Variants in BNIP2 observed in about 807,000 individuals in gnomAD.
BNIP2 encodes BCL2 interacting protein 2.
A neutral mutation model predicts 43.4 loss-of-function variants in BNIP2; 36 were observed. The ratio of observed to expected loss-of-function variants is 0.83; its 90% CI spans 0.64 to 1.10. The LOEUF (loss-of-function observed/expected upper bound fraction) is 1.10. Ranked by LOEUF, BNIP2 falls within the 50% of genes least tolerant of loss-of-function variation. The pLI is 0.00. For synonymous variants in BNIP2, 146 were observed against 121.0 expected (o/e 1.21, Z -1.35); for missense variants, 417 against 374.1 (o/e 1.11, Z -0.95).
intron 1 of BNIP2, among the ~76,000 whole-genome samples, chr15:59,685,429 A>G (rs1354085002): frequency 6.6e-6 from 1 of 152,182 alleles, no homozygotes; most frequent in Non-Finnish European, 1.5e-5. Context: ...GGAACCCCAG[A>G]GGTGAAGGTT....
intron 7 of BNIP2, 95 bp from the exon 8 acceptor site, chr15:59,669,457 A>G: frequency 2.3e-6 from 2 of 875,188 alleles, no homozygotes; most frequent in Non-Finnish European, 3.3e-6. Context: ...TAGTTGAAAA[A>G]TCTCACCCAA....
At position 59,660,404 on chromosome 15, in the gene BNIP2, C is replaced by T. The variant is rs1299793212; in HGVS notation, c.*3665G>A. ...TTGCTTGAGCAAGTTTAACACTTCT[C>T]CACATATAACATGGAAAAAGGAAGG... On this transcript the variant is annotated 3_prime_UTR_variant, in exon 10 of 10. Transcript: ENST00000607373. 2.0e-5 allele frequency: 3 copies of T among 152,194 alleles called. No individual in the cohort carries two copies. The highest frequency in any genetic ancestry group is 7.2e-5 in the African/African-American group (3 of 41,440). The allele number at this position is 152,194 out of a possible 1,614,324, so 9.4% of individuals were successfully genotyped here. A position where few individuals can be genotyped will look rare whatever the true frequency, so the allele number is the denominator to read the frequency against.
intron 2 of BNIP2, among the ~76,000 whole-genome samples, chr15:59,681,487 C>T (rs6151492): frequency 0.086 from 12,574 of 146,776 alleles, 847 homozygotes; most frequent in East Asian, 0.29. Flanking sequence ...CTTGCTCGGT[C>T]GCCCAAGCTG....
intron 5 of BNIP2, among the ~76,000 whole-genome samples, chr15:59,674,974 G>A (rs1893176834): frequency 6.6e-6 from 1 of 152,116 alleles, no homozygotes; most frequent in Admixed American, 6.5e-5. Context: ...ATTTGGCCTG[G>A]GCACTGTGGC....
At chr15:59,685,593 C>A (rs1195914256) in intron 1 of BNIP2, among the ~76,000 whole-genome samples, 1 of 152,176 alleles carries the variant, frequency 6.6e-6, no homozygotes. Context: ...CCTATTTATT[C>A]CATTTTTACC....
At chr15:59,678,680 T>C (rs1893463217) in intron 4 of BNIP2, 2 of 1,196,256 alleles carry the variant, frequency 1.7e-6, no homozygotes, top group Admixed American at 3.6e-5. Context: ...ATTTATGTTT[T>C]GAGATTGCAG....
rs1219716388 is a variant in BNIP2 at position 59,661,511 on chromosome 15, T to C, written c.*2558A>G. On this transcript the variant is annotated 3_prime_UTR_variant, in exon 10 of 10. Coordinates refer to ENST00000607373, the MANE Select transcript of BNIP2 (RefSeq NM_004330.4). ...ATATCTCCCTCTGAGTTAAAGATTG[T>C]TAAGCTTAAATTGTGGGGTGAATAG... The C allele has an allele frequency of 6.6e-6, 1 of 152,158 alleles. No homozygotes were observed. Among genetic ancestry groups the C allele is most frequent in the Non-Finnish European group, 1.5e-5 (1 of 68,022 alleles). 9.4% of individuals were successfully genotyped at this position (152,158 alleles called of 1,614,324 possible).
At chr15:59,686,747 T>G (rs572513122) in intron 1 of BNIP2, among the ~76,000 whole-genome samples, 101 of 152,296 alleles carry the variant, frequency 6.6e-4, no homozygotes, top group Middle Eastern at 6.8e-3. Context: ...CCGGGCATGG[T>G]GGCTCACACC....
At chr15:59,686,174 G>A (rs534546217) in intron 1 of BNIP2, among the ~76,000 whole-genome samples, 18 of 152,270 alleles carry the variant, frequency 1.2e-4, no homozygotes, top group African/African-American at 4.1e-4. Context: ...TAGCTTCAAG[G>A]GGGAGGAGTA....
At chr15:59,685,500 C>CA (rs750702252) in intron 1 of BNIP2, among the ~76,000 whole-genome samples, 2 of 152,074 alleles carry the variant, frequency 1.3e-5, no homozygotes, top group African/African-American at 4.8e-5. Context: ...GACTCTGTCT[C>CA]AAAAAACAAA....
chr15:59,682,383 G>A (rs1165990090), intron 2 of BNIP2, 25 bp downstream of exon 2: 2 of 1,560,694 alleles, frequency 1.3e-6, no homozygotes, highest in African/African-American at 1.4e-5. Flanking sequence ...CTCTAAAATT[G>A]TTTTCTTTTA....
rs373197847 is a variant in BNIP2 at position 59,669,258 on chromosome 15, A to G, written c.794+18T>C. ...AATAAAAAAAATAAAATTAAAGTCA[A>G]TGGCTCTCAAAAATTACCTAATAAA... On this transcript the variant is annotated intron_variant, in intron 8 of 9. Transcript: ENST00000607373. 9.4e-6 allele frequency: 14 copies of G among 1,497,096 alleles called. No homozygotes were observed. The African/African-American group carries it at 1.7e-4, about 18-fold the overall frequency. 92.7% of individuals were successfully genotyped at this position (1,497,096 alleles called of 1,614,324 possible).
chr15:59,688,090 C>T (rs1365803501), intron 1 of BNIP2, among the ~76,000 whole-genome samples: 1 of 152,162 alleles, frequency 6.6e-6, no homozygotes, highest in African/African-American at 2.4e-5. Context: ...GTGGATCTGT[C>T]ATACTTCCGG....
intron 2 of BNIP2, among the ~76,000 whole-genome samples, chr15:59,682,005 A>G (rs1471207673): frequency 2.0e-5 from 3 of 152,150 alleles, no homozygotes; most frequent in African/African-American, 7.2e-5. Context: ...ACTTCCTAGT[A>G]TCAAATGATC....
chr15:59,686,464 T>C (rs1167522791), intron 1 of BNIP2, among the ~76,000 whole-genome samples: 1 of 152,244 alleles, frequency 6.6e-6, no homozygotes, highest in Non-Finnish European at 1.5e-5. Context: ...TGCAGTTTAA[T>C]ACTGGTGCTG....
chr15:59,674,689 C>T (rs528670288), intron 5 of BNIP2, among the ~76,000 whole-genome samples: 2 of 152,104 alleles, frequency 1.3e-5, no homozygotes, highest in South Asian at 2.1e-4. Flanking sequence ...ATATGCCCTC[C>T]GTCCTGTGTT....
At chr15:59,677,129 T>C in intron 5 of BNIP2, 1 of 1,601,998 alleles carries the variant, frequency 6.2e-7, no homozygotes, top group Non-Finnish European at 8.6e-7. Context: ...TTGTCATCAA[T>C]GAGGCTATTT....
Position 59,675,833 on chromosome 15 carries a change from A to T in BNIP2, c.472+2078T>A, listed in dbSNP as rs180906699. ...GTGCAACAACATGGATGAATCTCAA[A>T]AACTTCATGCTGAAAAGTAAACAAA... On this transcript the variant is annotated intron_variant, in intron 5 of 9. Transcript: ENST00000607373. 1.9e-3 allele frequency among the ~76,000 whole-genome samples: 284 copies of T among 152,334 alleles called. 3 individuals carry two copies. The highest frequency in any genetic ancestry group is 7.7e-4 in the East Asian group (4 of 5,192).
intron 1 of BNIP2, chr15:59,688,469 T>C (rs547735806): frequency 2.4e-6 from 1 of 421,418 alleles, no homozygotes; most frequent in Non-Finnish European, 4.3e-6. Context: ...ACCGTAACTA[T>C]CTTGATGCAA....
Sources: gnomAD v4.1 joint callset for allele counts (sites outside exome capture counted in the v4.1 genomes callset) on GRCh38, gnomAD v4.1.1 for gene constraint, MANE v1.5 for transcripts, NCBI Gene and HGNC (gene_info 2026-07-23, HGNC 2026-07-21) for gene names.